Variants in GSG1L observed in about 807,000 individuals in gnomAD.
The protein encoded by GSG1L is germ cell-specific gene 1-like protein.
Under a neutral mutation model 42.1 loss-of-function variants are expected in GSG1L, and 24 were observed. That is an observed-to-expected ratio of 0.57 (90% CI 0.41 to 0.80). The LOEUF (loss-of-function observed/expected upper bound fraction) is 0.80. GSG1L is among the 30% of genes least tolerant of loss of function. The pLI, the probability that GSG1L is intolerant of heterozygous loss-of-function variation, is 0.00. For synonymous variants in GSG1L, 215 were observed against 203.5 expected (o/e 1.06, Z -0.48); for missense variants, 445 against 472.2 (o/e 0.94, Z 0.53).
intron 1 of GSG1L, among the ~76,000 whole-genome samples, chr16:27,980,433 A>G (rs981451109): frequency 6.6e-6 from 1 of 152,216 alleles, no homozygotes; most frequent in Non-Finnish European, 1.5e-5. Flanking sequence ...GAGAGGCAGT[A>G]GCAACAGTTT....
At chr16:28,008,370 A>T (rs2085670458) in intron 1 of GSG1L, among the ~76,000 whole-genome samples, 1 of 152,096 alleles carries the variant, frequency 6.6e-6, no homozygotes, top group Non-Finnish European at 1.5e-5. Context: ...ATAAGCCACC[A>T]CGCCTGGCAA....
chr16:27,854,013 G>T (rs1458666364), intron 3 of GSG1L, among the ~76,000 whole-genome samples: 2 of 152,102 alleles, frequency 1.3e-5, no homozygotes, highest in African/African-American at 2.4e-5. Flanking sequence ...AGAAGACTGA[G>T]AGAACAGGAG....
At chr16:27,906,049 C>T (rs1000167106) in intron 2 of GSG1L, among the ~76,000 whole-genome samples, 5 of 151,968 alleles carry the variant, frequency 3.3e-5, no homozygotes, top group South Asian at 2.1e-4. Flanking sequence ...AGAGAATCCA[C>T]GGGAATATAC....
chr16:27,962,978 C>A (rs1288755571), intron 2 of GSG1L, among the ~76,000 whole-genome samples, 178 bp downstream of exon 2: 2 of 152,162 alleles, frequency 1.3e-5, no homozygotes, highest in African/African-American at 4.8e-5. Flanking sequence ...CAGCCTCTCC[C>A]ACTCCACTGA....
At chr16:27,794,221 T>C (rs1213882102) in intron 6 of GSG1L, among the ~76,000 whole-genome samples, 2 of 152,194 alleles carry the variant, frequency 1.3e-5, no homozygotes, top group African/African-American at 2.4e-5. Flanking sequence ...TCTCGCTCTG[T>C]TCCACAGCCT....
chr16:27,825,604 T>C (rs1483400820), intron 5 of GSG1L, among the ~76,000 whole-genome samples: 1 of 152,144 alleles, frequency 6.6e-6, no homozygotes, highest in Non-Finnish European at 1.5e-5. Flanking sequence ...GAGGCTGCAG[T>C]GAGCTGTGCT....
At chr16:27,828,402 A>G (rs775865346) in intron 5 of GSG1L, among the ~76,000 whole-genome samples, 156 of 152,328 alleles carry the variant, frequency 1.0e-3, no homozygotes, top group Non-Finnish European at 1.5e-3. Flanking sequence ...TCCTGGAGCC[A>G]TCACCAATCC....
intron 2 of GSG1L, among the ~76,000 whole-genome samples, chr16:27,905,590 A>G (rs983102110): frequency 4.6e-5 from 7 of 152,216 alleles, no homozygotes; most frequent in Admixed American, 3.9e-4. Context: ...CTGGGATTAC[A>G]GACATGAGCC....
intron 5 of GSG1L, among the ~76,000 whole-genome samples, chr16:27,821,846 G>T (rs552383722): frequency 1.3e-5 from 2 of 152,292 alleles, no homozygotes; most frequent in East Asian, 3.9e-4. Flanking sequence ...AGAGCTTGCA[G>T]TGAGCAGAGA....
At chr16:27,887,850 C>G (rs1454362732) in intron 2 of GSG1L, among the ~76,000 whole-genome samples, 1 of 151,284 alleles carries the variant, frequency 6.6e-6, no homozygotes, top group Non-Finnish European at 1.5e-5. Flanking sequence ...CTGGGCAATT[C>G]CTTGGATTGT....
rs1417482374 is a variant in GSG1L at position 27,888,529 on chromosome 16, T to C, written c.398-3891A>G. 3.3e-4 allele frequency among the ~76,000 whole-genome samples: 9 copies of C among 27,092 alleles called. 1 individual carries two copies. Among genetic ancestry groups the C allele is most frequent in the African/African-American group, 8.1e-4 (8 of 9,864 alleles). The allele number at this position is 27,092 out of a possible 152,430, so 17.8% of individuals were successfully genotyped here. A position where few individuals can be genotyped will look rare whatever the true frequency, so the allele number is the denominator to read the frequency against. On this transcript the variant is annotated intron_variant, in intron 2 of 6. Coordinates refer to ENST00000447459, the MANE Select transcript of GSG1L (RefSeq NM_001109763.2). ...TTTCTTTCTTTCTTTCTTTCTTTCT[T>C]TCTTTCTTTCTTTCTTTCTTTCTTT... is the stretch of plus-strand genomic sequence containing the variant.
At chr16:27,946,535 ACT>A (rs1403782798) in intron 2 of GSG1L, among the ~76,000 whole-genome samples, 2 of 147,634 alleles carry the variant, frequency 1.4e-5, no homozygotes, top group African/African-American at 2.5e-5. Context: ...ACAGAGCAAG[ACT>A]CTGTCTCAAA....
At chr16:28,041,897 G>T (rs1451678200) in intron 1 of GSG1L, among the ~76,000 whole-genome samples, 1 of 152,196 alleles carries the variant, frequency 6.6e-6, no homozygotes, top group African/African-American at 2.4e-5. Flanking sequence ...GTTTCTGAGA[G>T]AATCGCTCCA....
chr16:27,915,962 C>T (rs1408259156), intron 2 of GSG1L, among the ~76,000 whole-genome samples: 1 of 152,152 alleles, frequency 6.6e-6, no homozygotes, highest in East Asian at 1.9e-4. Flanking sequence ...TGGTGCCTAC[C>T]CAGGTCCCCT....
rs550437053 is a variant in GSG1L, at chr16:27,959,393, G to T, written c.397+3763C>A. 7.3e-5 allele frequency among the ~76,000 whole-genome samples: 11 copies of T among 151,386 alleles called. No homozygotes were observed. The South Asian group carries it at 2.1e-3, about 29-fold the overall frequency. ...TGAGGCAGGAGAATCGCTTGAACCT[G>T]GGAGGCAGAGGTTGCAGTGAGCCAA... On this transcript the variant is annotated intron_variant, in intron 2 of 6. Transcript: ENST00000447459.
chr16:27,897,474 A>T (rs1380832581), intron 2 of GSG1L, among the ~76,000 whole-genome samples: 1 of 151,988 alleles, frequency 6.6e-6, no homozygotes, highest in Non-Finnish European at 1.5e-5. Flanking sequence ...AATTTTTTAA[A>T]TTTTTTGTAG....
chr16:27,924,540 CTT>C (rs1304513545), intron 2 of GSG1L, among the ~76,000 whole-genome samples: 5 of 152,014 alleles, frequency 3.3e-5, no homozygotes, highest in African/African-American at 4.8e-5. Context: ...GCCACAGAAA[CTT>C]AGAGTTTCTT....
intron 5 of GSG1L, among the ~76,000 whole-genome samples, chr16:27,818,249 T>C (rs2056092): frequency 0.23 from 34,854 of 152,042 alleles, 4,138 homozygotes; most frequent in Admixed American, 0.32. Context: ...AAAGAAAGCA[T>C]GAAAGTTCAG....
At chr16:27,906,657 C>G (rs1410445872) in intron 2 of GSG1L, among the ~76,000 whole-genome samples, 1 of 152,186 alleles carries the variant, frequency 6.6e-6, no homozygotes, top group Non-Finnish European at 1.5e-5. Flanking sequence ...CAAATGTAAG[C>G]TCTTCATCAA....
Sources: allele counts gnomAD v4.1 joint callset (sites outside exome capture counted in the v4.1 genomes callset), GRCh38; gene constraint gnomAD v4.1.1; transcripts MANE v1.5; gene names NCBI Gene and HGNC (gene_info 2026-07-23, HGNC 2026-07-21).